BRI3: variants seen among roughly 807,000 people sequenced by gnomAD.
The protein encoded by BRI3 is brain protein I3, also known as membrane protein BRI3.
BRI3 carries 6 observed loss-of-function variants against 12.8 expected under a neutral mutation model. The ratio of observed to expected loss-of-function variants is 0.47; its 90% CI spans 0.26 to 0.93. BRI3 has a LOEUF of 0.93. Among genes scored for constraint, BRI3 ranks in the 40% least tolerant of loss-of-function variants. The pLI, the probability that BRI3 is intolerant of heterozygous loss-of-function variation, is 0.15. For missense variants in BRI3, 134 were observed against 171.1 expected (o/e 0.78, Z 1.21); for synonymous variants, 91 against 76.1 (o/e 1.20, Z -1.02).
chr7:98,294,093 C>G (rs769779241), downstream of BRI3: 2 of 1,613,984 alleles, frequency 1.2e-6, no homozygotes, highest in Admixed American at 1.7e-5. Flanking sequence ...GGCGGCTTTG[C>G]AGTCCCGTTG....
At chr7:98,305,047 G>GTTTTTTTT (rs59633894), upstream of BRI3, among the ~76,000 whole-genome samples, 318 of 100,216 alleles carry the variant, frequency 3.2e-3, 3 homozygotes, top group Middle Eastern at 0.011. Context: ...TTTGTTTTTT[G>GTTTTTTTT]TTTTTTTTTT....
chr7:98,301,475 GTATA>G (rs60741017), intron 1 of BRI3, among the ~76,000 whole-genome samples: 3 of 142,294 alleles, frequency 2.1e-5, no homozygotes, highest in African/African-American at 2.6e-5. Flanking sequence ...TTTTTTTTTG[GTATA>G]TATATATATA....
intron 2 of BRI3, among the ~76,000 whole-genome samples, chr7:98,288,255 C>T (rs1023396096): frequency 2.0e-5 from 3 of 152,182 alleles, no homozygotes; most frequent in South Asian, 2.1e-4. Context: ...CTGTCATGGC[C>T]ATCTGTGGGG....
chr7:98,315,623 A>ATAGT, the BRI3 span: 1 of 1,207,740 alleles, frequency 8.3e-7, no homozygotes, highest in Non-Finnish European at 1.1e-6. Context: ...CTAAAAAAAA[A>ATAGT]AAAATAATAA....
chr7:98,322,092 T>C, the BRI3 span, among the ~76,000 whole-genome samples: 1 of 151,828 alleles, frequency 6.6e-6, no homozygotes, highest in South Asian at 2.1e-4. Flanking sequence ...TGAGACCCTG[T>C]CTCCCCGCCC....
At chr7:98,304,216 T>C, upstream of BRI3, 1 of 1,606,708 alleles carries the variant, frequency 6.2e-7, no homozygotes, top group Non-Finnish European at 8.5e-7. Context: ...GTCTCGGGCT[T>C]GGACGCTGGG....
At chr7:98,288,954 TTTTTTTC>T (rs939044605) in intron 2 of BRI3, among the ~76,000 whole-genome samples, 19 of 151,840 alleles carry the variant, frequency 1.3e-4, no homozygotes, top group South Asian at 6.2e-4. Flanking sequence ...GGGCATGAAG[TTTTTTTC>T]TTTTTTCTTT....
downstream of BRI3, among the ~76,000 whole-genome samples, chr7:98,296,974 G>A (rs570502069): frequency 6.6e-6 from 1 of 152,314 alleles, no homozygotes; most frequent in South Asian, 2.1e-4. Context: ...TTTCCTTGCA[G>A]TGGGGGACAC....
At chr7:98,322,309 C>T in the BRI3 span, among the ~76,000 whole-genome samples, 1 of 152,178 alleles carries the variant, frequency 6.6e-6, no homozygotes, top group Non-Finnish European at 1.5e-5. Flanking sequence ...CTTCCCTTGT[C>T]CCAGCTCAGG....
downstream of BRI3, chr7:98,293,516 T>G (rs776816733): frequency 1.9e-6 from 3 of 1,612,276 alleles, no homozygotes; most frequent in African/African-American, 1.3e-5. Flanking sequence ...TCCTTGGCTG[T>G]CCTCTCATCG....
At chr7:98,294,243 T>G (rs975741247), downstream of BRI3, 9 of 888,022 alleles carry the variant, frequency 1.0e-5, no homozygotes, top group East Asian at 2.4e-4. Context: ...TCCTTCCACC[T>G]TGGCCTCCTA....
chr7:98,319,975 G>A, the BRI3 span: 2 of 1,074,042 alleles, frequency 1.9e-6, no homozygotes, highest in Non-Finnish European at 2.8e-6. Flanking sequence ...TGCTGCTGAT[G>A]AGTCAACAGT....
At chr7:98,298,238 A>G (rs947966098) in intron 1 of BRI3, among the ~76,000 whole-genome samples, 3 of 152,118 alleles carry the variant, frequency 2.0e-5, no homozygotes, top group Non-Finnish European at 4.4e-5. Context: ...CTCTATGGAC[A>G]CCTAAGGTTA....
intron 1 of BRI3, chr7:98,307,086 A>C (rs1800687487): frequency 6.2e-6 from 1 of 160,640 alleles, no homozygotes; most frequent in African/African-American, 2.4e-5. Context: ...TCTGATATGC[A>C]GATTATCTTC....
At position 98,291,249 on chromosome 7, in the gene BRI3, A is replaced by C. The variant is rs758186767; in HGVS notation, c.*6A>C. ...GTGGAGCCACCTTCGCTTAAAGGGA[A>C]CACCAGGCCCGGCTTTCCTACACCC... is the stretch of plus-strand genomic sequence containing the variant. On this transcript the variant is annotated 3_prime_UTR_variant, in exon 3 of 3. Transcript: ENST00000297290. The C allele has an allele frequency of 1.2e-6, 2 of 1,612,684 alleles. No homozygotes were observed. The highest frequency in any genetic ancestry group is 1.1e-5 in the South Asian group (1 of 91,014).
downstream of BRI3, among the ~76,000 whole-genome samples, chr7:98,313,491 G>A (rs1478425757): frequency 6.6e-6 from 1 of 152,004 alleles, no homozygotes; most frequent in African/African-American, 2.4e-5. Flanking sequence ...CGACCCTGGT[G>A]CCACAGGATG....
rs1021327861 is a variant in BRI3 at position 98,306,661 on chromosome 7, A to G, written n.140A>G. The G allele has an allele frequency of 5.1e-6, 6 of 1,184,964 alleles. No individual in the cohort carries two copies. The African/African-American group carries it at 9.2e-5, about 18-fold the overall frequency. 73.4% of individuals were successfully genotyped at this position (1,184,964 alleles called of 1,614,324 possible). A position where few individuals can be genotyped will look rare whatever the true frequency, so the allele number is the denominator to read the frequency against. On this transcript the variant is annotated non_coding_transcript_exon_variant, in exon 1 of 2. Transcript: ENST00000485422. ...TGGAGGAAATGAAATTAAGGCTTTT[A>G]ATAGGTAAATATGGACTTTCACATA...
At chr7:98,309,450 A>G (rs1233799855) in exon 2 of BRI3, 2 of 151,846 alleles carry the variant, frequency 1.3e-5, no homozygotes, top group Non-Finnish European at 2.9e-5. Flanking sequence ...ACCGCGCCCA[A>G]TCCTCCACCA....
the BRI3 span, among the ~76,000 whole-genome samples, chr7:98,318,638 G>A: frequency 1.3e-5 from 2 of 151,746 alleles, no homozygotes; most frequent in African/African-American, 4.8e-5. Context: ...CCTATAATCT[G>A]TGAAGTGCAG....
Sources: gnomAD v4.1 joint callset for allele counts (sites outside exome capture counted in the v4.1 genomes callset) on GRCh38, gnomAD v4.1.1 for gene constraint, MANE v1.5 for transcripts, NCBI Gene and HGNC (gene_info 2026-07-23, HGNC 2026-07-21) for gene names.